Variants in ZNF813 observed in about 807,000 individuals in gnomAD.
ZNF813 encodes zinc finger protein 813.
A neutral mutation model predicts 7.2 loss-of-function variants in ZNF813; 3 were observed. The ratio of observed to expected loss-of-function variants is 0.42; its 90% CI spans 0.19 to 1.08. The LOEUF (loss-of-function observed/expected upper bound fraction) is 1.08, where lower values mean the gene tolerates loss of function less well. Among genes scored for constraint, ZNF813 ranks in the 50% least tolerant of loss-of-function variants. The probability of loss-of-function intolerance (pLI) is 0.30; values close to 1 mark genes in which losing one functional copy is unlikely to be tolerated. For synonymous variants in ZNF813, 227 were observed against 256.3 expected, an observed-to-expected ratio of 0.89 and a Z score of 1.09; for missense variants, 714 against 753.3, an observed-to-expected ratio of 0.95 and a Z score of 0.61.
chr19:53,472,318 G>T (rs1340699409), intron 1 of ZNF813, among the ~76,000 whole-genome samples: 3 of 152,142 alleles, frequency 2.0e-5, no homozygotes, highest in African/African-American at 7.2e-5. Flanking sequence ...GGTCCCAGGG[G>T]ACAAGGTGGC....
At chr19:53,486,990 T>TATTTA (rs201579909) in intron 3 of ZNF813, among the ~76,000 whole-genome samples, 11,161 of 149,398 alleles carry the variant, frequency 0.075, 478 homozygotes, top group East Asian at 0.12. Flanking sequence ...AGTTTTTTTT[T>TATTTA]TTTTTTTTTT....
At chr19:53,489,327 G>A (rs1445454324) in intron 3 of ZNF813, among the ~76,000 whole-genome samples, 2 of 152,148 alleles carry the variant, frequency 1.3e-5, no homozygotes, top group Admixed American at 1.3e-4. Flanking sequence ...ATTAACTGGG[G>A]CACTGTGGCT....
At chr19:53,471,051 G>A (rs1600107544) in intron 1 of ZNF813, among the ~76,000 whole-genome samples, 1 of 152,056 alleles carries the variant, frequency 6.6e-6, no homozygotes, top group African/African-American at 2.4e-5. Flanking sequence ...GTCTTTCAGG[G>A]GGCCAATCTG....
chr19:53,475,076 C>A (rs1433682919), intron 1 of ZNF813, among the ~76,000 whole-genome samples: 2 of 151,676 alleles, frequency 1.3e-5, no homozygotes, highest in African/African-American at 4.8e-5. Context: ...CCTATACTGC[C>A]TCTAAGAGCT....
At position 53,483,766 on chromosome 19, in the gene ZNF813, C is replaced by A. The variant is rs961084417; in HGVS notation, c.-57C>A. 1 of 1,611,396 alleles carries A rather than the reference C, an allele frequency of 6.2e-7. No individual in the cohort carries two copies. The highest frequency in any genetic ancestry group is 8.5e-7 in the Non-Finnish European group (1 of 1,179,714). ...AACATTCAGGATTGACTTCTAAAGA[C>A]TCTTGGTATGTGAGGAAGAAACCTG... On this transcript the variant is annotated 5_prime_UTR_variant, in exon 2 of 4. Coordinates refer to ENST00000396403, the MANE Select transcript of ZNF813 (RefSeq NM_001004301.4).
rs2086484058 is a variant in ZNF813, at chr19:53,495,699, TACTC to T, written c.*3615_*3618del. On this transcript the variant is annotated 3_prime_UTR_variant, in exon 4 of 4. Transcript: ENST00000396403. ...GGTGGCGGGTGCTTGTAATCCCAGT[TACTC>T]AGGAGGCTGAGGCTGCATTATCGCT... The T allele has an allele frequency of 6.6e-6, 1 of 151,924 alleles. No homozygotes were observed. The highest frequency in any genetic ancestry group is 1.5e-5 in the Non-Finnish European group (1 of 68,204). The allele number at this position is 151,924 out of a possible 1,614,324, so 9.4% of individuals were successfully genotyped here.
Position 53,491,666 on chromosome 19 carries a change from A to C in ZNF813, c.1434A>C (p.Arg478=), listed in dbSNP as rs1458147640. The change falls in exon 4 of 4, where the codon CGA becomes CGC. Residue 478 remains arginine (R), a synonymous_variant. Transcript: ENST00000396403. ...KCNECGKTFS[R]ISALVIHTAI... is the part of the protein sequence containing the mutation. ...ATGAGTGTGGCAAGACGTTCAGTCGAATTTCAGCCCTCGTAATTCATACGG... is the reference window on the plus strand; with the variant it reads ...ATGAGTGTGGCAAGACGTTCAGTCGCATTTCAGCCCTCGTAATTCATACGG... 2 of 1,613,574 alleles carry C rather than the reference A, an allele frequency of 1.2e-6. No individual in the cohort carries two copies. Among genetic ancestry groups the C allele is most frequent in the Middle Eastern group, 1.6e-4 (1 of 6,074 alleles).
At position 53,492,408 on chromosome 19, in the gene ZNF813, C is replaced by G. The variant is rs2086468489; in HGVS notation, c.*322C>G. 1 of 465,842 alleles carries G rather than the reference C, an allele frequency of 2.1e-6. No individual in the cohort carries two copies. The highest frequency in any genetic ancestry group is 4.0e-6 in the Non-Finnish European group (1 of 250,630). 28.9% of individuals were successfully genotyped at this position (465,842 alleles called of 1,614,324 possible). ...AAGAATATCACAGAGTTTTCAGTCA[C>G]AAGTCAAACCTTGAAAGACATAAAA... On this transcript the variant is annotated 3_prime_UTR_variant, in exon 4 of 4. Transcript: ENST00000396403.
Position 53,476,612 on chromosome 19 carries a change from G to A in ZNF813, c.-73-7138G>A, listed in dbSNP as rs192175754. Among the ~76,000 whole-genome samples, 5 of 148,118 alleles carry A rather than the reference G, an allele frequency of 3.4e-5. No homozygotes were observed. In the Admixed American group the frequency reaches 3.4e-4, roughly 10 times the overall value. On this transcript the variant is annotated intron_variant, in intron 1 of 3. Coordinates refer to ENST00000396403, the MANE Select transcript of ZNF813 (RefSeq NM_001004301.4). The stretch of plus-strand genomic sequence containing the variant: ...CCACTGCACTCCAGCCTGGGCAACA[G>A]AGCAAGACTCCATCTCAAAAAAAAA...
Position 53,491,902 on chromosome 19 carries a change from G to T in ZNF813, c.1670G>T (p.Gly557Val). Residue 557 changes from glycine to valine, a missense_variant, in exon 4 of 4, where the codon GGC becomes GTC. This residue lies in a region of ZNF813 where 122 missense variants were observed against 146.8 expected (regional missense o/e 0.83). Coordinates refer to ENST00000396403, the MANE Select transcript of ZNF813 (RefSeq NM_001004301.4). ...GDKPYKCNEC[G>V]KVFNQKAHLA... ...AAACCTTACAAGTGTAATGAATGTG[G>T]CAAGGTTTTTAATCAAAAAGCACAC... 6.2e-7 allele frequency: 1 copy of T among 1,610,798 alleles called. No individual in the cohort carries two copies. Among genetic ancestry groups the T allele is most frequent in the African/African-American group, 1.3e-5 (1 of 74,930 alleles).
chr19:53,470,341 T>A (rs1181197429), intron 1 of ZNF813, among the ~76,000 whole-genome samples: 1 of 151,248 alleles, frequency 6.6e-6, no homozygotes, highest in African/African-American at 2.4e-5. Context: ...GCCTGTTACT[T>A]TTCTTGGAGT....
chr19:53,489,305 C>T (rs559975400), intron 3 of ZNF813, among the ~76,000 whole-genome samples: 87 of 152,290 alleles, frequency 5.7e-4, no homozygotes, highest in Admixed American at 2.0e-3. Flanking sequence ...CCGTGCCTGG[C>T]ATTAATGTCA....
intron 1 of ZNF813, among the ~76,000 whole-genome samples, chr19:53,482,712 GTTTTTTTTTTT>G (rs869250512): frequency 3.4e-5 from 3 of 89,090 alleles, no homozygotes; most frequent in East Asian, 3.8e-4. Context: ...AATGCTTTTT[GTTTTTTTTTTT>G]TTTTTTTTTT....
intron 3 of ZNF813, among the ~76,000 whole-genome samples, chr19:53,488,836 T>C (rs1401368834): frequency 6.6e-6 from 1 of 152,230 alleles, no homozygotes; most frequent in Non-Finnish European, 1.5e-5. Context: ...ATATAGAAGT[T>C]GTGGCTTTTT....
chr19:53,471,178 G>A (rs912351647), intron 1 of ZNF813, among the ~76,000 whole-genome samples: 2 of 152,112 alleles, frequency 1.3e-5, no homozygotes, highest in South Asian at 2.1e-4. Flanking sequence ...CAGTGGGAGT[G>A]AGAAGAAACA....
chr19:53,469,694 G>A (rs1284352599), intron 1 of ZNF813, among the ~76,000 whole-genome samples: 4 of 148,350 alleles, frequency 2.7e-5, no homozygotes, highest in African/African-American at 9.9e-5. Context: ...AGAGGAGGAG[G>A]GATTTGGAGC....
chr19:53,477,039 A>G (rs1374535500), intron 1 of ZNF813, among the ~76,000 whole-genome samples: 1 of 152,140 alleles, frequency 6.6e-6, no homozygotes, highest in African/African-American at 2.4e-5. Context: ...AAATGCAAAG[A>G]TAGGCTGACT....
intron 1 of ZNF813, among the ~76,000 whole-genome samples, chr19:53,471,417 A>G (rs1221438083): frequency 6.6e-6 from 1 of 152,096 alleles, no homozygotes; most frequent in Admixed American, 6.5e-5. Context: ...TTTTATTATA[A>G]TATTCCTGTC....
chr19:53,481,598 C>G (rs2086408955), intron 1 of ZNF813, among the ~76,000 whole-genome samples: 1 of 152,124 alleles, frequency 6.6e-6, no homozygotes, highest in East Asian at 1.9e-4. Flanking sequence ...ATCTACCCAC[C>G]TCAACCTCCC....
Sources: allele counts gnomAD v4.1 joint callset (sites outside exome capture counted in the v4.1 genomes callset), GRCh38; gene constraint gnomAD v4.1.1; regional missense constraint gnomAD v4.1.1; transcripts MANE v1.5; gene names NCBI Gene and HGNC (gene_info 2026-07-23, HGNC 2026-07-21).